Variants in DISP1 observed in about 807,000 individuals in gnomAD.
DISP1 encodes dispatched RND transporter family member 1, also known as protein dispatched homolog 1.
DISP1 carries 30 observed loss-of-function variants against 37.3 expected under a neutral mutation model. The observed-to-expected ratio is 0.80, with a 90% CI of 0.60 to 1.09. DISP1 has a LOEUF of 1.09. Ranked by LOEUF, DISP1 falls within the 50% of genes least tolerant of loss-of-function variation. The pLI is 0.00. For missense variants in DISP1, 1,598 were observed against 1,879.5 expected, an observed-to-expected ratio of 0.85 and a Z score of 2.77; for synonymous variants, 634 against 690.2, an observed-to-expected ratio of 0.92 and a Z score of 1.28.
intron 3 of DISP1, 49 bp downstream of exon 3, chr1:222,943,381 A>G (rs1031361538): frequency 2.5e-6 from 4 of 1,611,174 alleles, no homozygotes; most frequent in Non-Finnish European, 3.4e-6. Context: ...ATGCCACGTG[A>G]ACATGACAGC....
At chr1:222,900,375 A>G (rs1264714213) in intron 1 of DISP1, among the ~76,000 whole-genome samples, 3 of 152,210 alleles carry the variant, frequency 2.0e-5, no homozygotes. Context: ...ATACATACCC[A>G]TTCACATGAT....
At chr1:222,855,798 A>G (rs1366114059) in intron 1 of DISP1, among the ~76,000 whole-genome samples, 1 of 152,112 alleles carries the variant, frequency 6.6e-6, no homozygotes, top group East Asian at 1.9e-4. Flanking sequence ...TAAGAGTACT[A>G]TAATTTATAA....
At chr1:222,923,047 C>T (rs1014733782) in intron 1 of DISP1, among the ~76,000 whole-genome samples, 34 of 152,080 alleles carry the variant, frequency 2.2e-4, no homozygotes, top group African/African-American at 8.0e-4. Flanking sequence ...GGGGTTAAAA[C>T]TTGAGTATTG....
At chr1:222,816,696 G>C (rs1661321746) in intron 1 of DISP1, among the ~76,000 whole-genome samples, 1 of 152,114 alleles carries the variant, frequency 6.6e-6, no homozygotes, top group South Asian at 2.1e-4. Context: ...TTATGTTTAG[G>C]AGGACTGCTG....
chr1:222,942,399 C>A (rs1674451644), intron 2 of DISP1, among the ~76,000 whole-genome samples: 1 of 152,044 alleles, frequency 6.6e-6, no homozygotes. Flanking sequence ...TTCATTTTGC[C>A]CGTCACTCCT....
intron 2 of DISP1, among the ~76,000 whole-genome samples, chr1:222,937,870 C>CTGTTTTGTTT (rs558727320): frequency 7.3e-6 from 1 of 137,636 alleles, no homozygotes; most frequent in African/African-American, 2.8e-5. Flanking sequence ...TCAACAATAG[C>CTGTTTTGTTT]TGTTTTGTTT....
intron 1 of DISP1, among the ~76,000 whole-genome samples, chr1:222,822,702 ACAG>A (rs1663240206): frequency 6.6e-6 from 1 of 152,236 alleles, no homozygotes; most frequent in South Asian, 2.1e-4. Flanking sequence ...TTGGTAATCT[ACAG>A]CAGCATTTGA....
chr1:222,827,921 C>G (rs1664816894), intron 1 of DISP1, among the ~76,000 whole-genome samples: 1 of 152,148 alleles, frequency 6.6e-6, no homozygotes. Context: ...TTGTGATACT[C>G]AAGCTGAAAA....
At chr1:222,881,912 T>G (rs1337060359) in intron 1 of DISP1, among the ~76,000 whole-genome samples, 3 of 152,212 alleles carry the variant, frequency 2.0e-5, no homozygotes, top group Non-Finnish European at 4.4e-5. Context: ...CTGTGTGTGT[T>G]TGTGTATTTG....
At chr1:222,820,304 A>G (rs1381576201) in intron 1 of DISP1, among the ~76,000 whole-genome samples, 1 of 152,224 alleles carries the variant, frequency 6.6e-6, no homozygotes, top group Admixed American at 6.5e-5. Context: ...CTACGTAACT[A>G]CTTGGGGCAC....
At chr1:223,000,381 C>T (rs997113827) in intron 8 of DISP1, among the ~76,000 whole-genome samples, 4 of 152,016 alleles carry the variant, frequency 2.6e-5, no homozygotes, top group East Asian at 3.9e-4. Flanking sequence ...CCTAAGTTAG[C>T]GTATGTGAAT....
chr1:222,914,579 T>G (rs898582721), intron 1 of DISP1, among the ~76,000 whole-genome samples: 7 of 152,172 alleles, frequency 4.6e-5, no homozygotes, highest in African/African-American at 1.7e-4. Context: ...GAGACCATTA[T>G]CCTTCCCTTC....
intron 3 of DISP1, among the ~76,000 whole-genome samples, chr1:222,976,349 C>T (rs1428280852): frequency 6.6e-6 from 1 of 151,994 alleles, no homozygotes; most frequent in Non-Finnish European, 1.5e-5. Context: ...TAGTGGACTC[C>T]CTGGCTAGCC....
intron 8 of DISP1, among the ~76,000 whole-genome samples, chr1:223,000,251 T>C (rs536262022): frequency 1.3e-5 from 2 of 152,316 alleles, no homozygotes; most frequent in South Asian, 4.1e-4. Context: ...TTCATTCAGT[T>C]CATCAAGCTG....
At chr1:222,964,393 TCCTC>T (rs1676310602) in intron 3 of DISP1, among the ~76,000 whole-genome samples, 1 of 152,172 alleles carries the variant, frequency 6.6e-6, no homozygotes, top group African/African-American at 2.4e-5. Flanking sequence ...TTCGAAGCCT[TCCTC>T]TTAATCACCA....
intron 1 of DISP1, among the ~76,000 whole-genome samples, chr1:222,821,035 C>T (rs1191291870): frequency 1.3e-5 from 2 of 152,070 alleles, no homozygotes; most frequent in Admixed American, 6.5e-5. Flanking sequence ...CTTTTGCCTT[C>T]AAGTTTATCA....
At chr1:222,947,642 G>A (rs745742480) in intron 3 of DISP1, among the ~76,000 whole-genome samples, 2 of 152,124 alleles carry the variant, frequency 1.3e-5, no homozygotes, top group African/African-American at 4.8e-5. Context: ...CATAGTGGCT[G>A]CACCATTTTA....
chr1:222,949,505 T>C (rs1197351955), intron 3 of DISP1, among the ~76,000 whole-genome samples: 3 of 152,252 alleles, frequency 2.0e-5, no homozygotes, highest in Non-Finnish European at 4.4e-5. Context: ...TTTAAAGCTT[T>C]AGATTTCATT....
In DISP1 at chr1:223,004,631, C is replaced by T. The variant is rs771089164; in HGVS notation, c.3234C>T (p.Arg1078=). ...GCAAAGTGATCTTCTCTCTGAGTCG[C>T]GTGGGCTCTGCGATGGCCATGGCTG... is the stretch of plus-strand genomic sequence containing the variant. ...REGKVIFSLS[R]VGSAMAMAAL... The change falls in exon 9 of 9, where the codon CGC becomes CGT. Residue 1078 remains arginine (R), a synonymous_variant. Transcript: ENST00000675850. The surrounding 1 kb of genome is among the most constrained non-coding windows in gnomAD (Gnocchi z 4.9). The T allele has an allele frequency of 8.1e-6, 13 of 1,614,058 alleles. No individual in the cohort carries two copies. In the East Asian group the frequency reaches 1.3e-4, roughly 17 times the overall value.
Sources: allele counts gnomAD v4.1 joint callset (sites outside exome capture counted in the v4.1 genomes callset), GRCh38; gene constraint gnomAD v4.1.1; non-coding constraint Gnocchi (gnomAD v3.1); transcripts MANE v1.5; gene names NCBI Gene and HGNC (gene_info 2026-07-23, HGNC 2026-07-21).